The following VPS13B variants were observed in gnomAD, a reference collection of about 807,000 sequenced individuals.
VPS13B encodes the protein vacuolar protein sorting 13 homolog B.
A neutral mutation model predicts 426.4 loss-of-function variants in VPS13B; 285 were observed. That is an observed-to-expected ratio of 0.67 (90% CI 0.61 to 0.74). The LOEUF is 0.74. Ranked by LOEUF, VPS13B falls within the 30% of genes least tolerant of loss-of-function variation. The pLI is 0.00. For synonymous variants in VPS13B, 1,676 were observed against 1,676.4 expected, an observed-to-expected ratio of 1.00 and a Z score of 0.01; for missense variants, 4,537 against 4,782.6, an observed-to-expected ratio of 0.95 and a Z score of 1.51.
chr8:99,585,627 AC>A lies in VPS13B; in HGVS notation c.5220+7997del, dbSNP rs1205732788. ...AAAAAATTTTTAGACAAAATCCAAT[AC>A]CCTTTCATAATAAAAACATGCAAAA... is the stretch of plus-strand genomic sequence containing the variant. On this transcript the variant is annotated intron_variant, in intron 33 of 61. Transcript: ENST00000357162. Among the ~76,000 whole-genome samples, 8 of 152,252 alleles carry A rather than the reference AC, an allele frequency of 5.3e-5. No homozygotes were observed. In the East Asian group the frequency reaches 1.5e-3, roughly 29 times the overall value.
chr8:99,222,496 G>A (rs903702851), intron 17 of VPS13B, among the ~76,000 whole-genome samples: 2 of 152,108 alleles, frequency 1.3e-5, no homozygotes, highest in South Asian at 2.1e-4. Context: ...AGCAGTGATC[G>A]AATTTCTCTT....
At chr8:99,054,354 A>G (rs1843722705) in intron 3 of VPS13B, among the ~76,000 whole-genome samples, 1 of 152,230 alleles carries the variant, frequency 6.6e-6, no homozygotes, top group Non-Finnish European at 1.5e-5. Context: ...TTCTTTGGAT[A>G]GTGTCTATCT....
At chr8:99,156,453 A>T (rs1811369357) in intron 14 of VPS13B, 96 bp from the exon 15 acceptor site, 1 of 1,165,758 alleles carries the variant, frequency 8.6e-7, no homozygotes, top group Admixed American at 1.8e-5. Context: ...ATTTGATATC[A>T]CTGCAAATGT....
At chr8:99,489,837 T>C (rs971207351) in intron 25 of VPS13B, among the ~76,000 whole-genome samples, 20 of 152,326 alleles carry the variant, frequency 1.3e-4, no homozygotes, top group African/African-American at 4.6e-4. Context: ...TATACAGTCA[T>C]GTCATCTGCA....
At position 99,742,111 on chromosome 8, in the gene VPS13B, A is replaced by G. The variant is rs1348284009; in HGVS notation, c.7050+21064A>G. 5.3e-5 allele frequency among the ~76,000 whole-genome samples: 8 copies of G among 152,374 alleles called. No homozygotes were observed. The East Asian group carries it at 1.5e-3, about 29-fold the overall frequency. On this transcript the variant is annotated intron_variant, in intron 39 of 61. Coordinates refer to ENST00000357162, the MANE Select transcript of VPS13B (RefSeq NM_152564.5). ...ATAAAGAAGAAAAGAGAGAAGAATC[A>G]AATAGACTCAATGAAAAATGATGAA...
At chr8:99,309,250 A>C (rs909740410) in intron 19 of VPS13B, among the ~76,000 whole-genome samples, 2 of 152,086 alleles carry the variant, frequency 1.3e-5, no homozygotes, top group Admixed American at 6.6e-5. Flanking sequence ...ATATGAAGTC[A>C]TTGCCCATGC....
intron 15 of VPS13B, among the ~76,000 whole-genome samples, chr8:99,160,579 A>G (rs1811594181): frequency 6.9e-6 from 1 of 144,376 alleles, no homozygotes; most frequent in Admixed American, 7.3e-5. Flanking sequence ...TGAGCCCAGG[A>G]GGTCAAGGTT....
At chr8:99,260,059 G>T (rs1168849514) in intron 17 of VPS13B, among the ~76,000 whole-genome samples, 1 of 151,960 alleles carries the variant, frequency 6.6e-6, no homozygotes, top group African/African-American at 2.4e-5. Context: ...TATAATGAAA[G>T]AATTTTTTGG....
chr8:99,240,333 A>G (rs1816855982), intron 17 of VPS13B, among the ~76,000 whole-genome samples: 1 of 152,186 alleles, frequency 6.6e-6, no homozygotes, highest in African/African-American at 2.4e-5. Context: ...ACATTTTTAT[A>G]TATTCCCTAG....
rs768962852 is a variant in VPS13B, at chr8:99,642,454, T to C, written c.5864T>C (p.Phe1955Ser). Residue 1955 changes from phenylalanine (F) to serine (S), a missense_variant, in exon 34 of 62, where the codon TTT becomes TCT. Around this residue, in one of 2 missense-constraint regions of VPS13B, gnomAD observed 4,311 missense variants for 4,474.3 expected, o/e 0.96. Coordinates refer to ENST00000357162, the MANE Select transcript of VPS13B (RefSeq NM_152564.5). Reference protein sequence around the residue: ...HRKQRVEVSIFDAVLKGVASD... With the variant: ...HRKQRVEVSISDAVLKGVASD... ...AAGCAGCGAGTGGAAGTATCCATTT[T>C]TGATGCTGTGCTTAAAGGGGTGGCC... 3.1e-6 allele frequency: 5 copies of C among 1,614,058 alleles called. No individual in the cohort carries two copies. Among genetic ancestry groups the C allele is most frequent in the Admixed American group, 1.7e-5 (1 of 59,982 alleles).
chr8:99,680,316 C>G (rs1258852026), intron 35 of VPS13B, among the ~76,000 whole-genome samples: 1 of 152,066 alleles, frequency 6.6e-6, no homozygotes, highest in Admixed American at 6.6e-5. Context: ...ATGTTTGGTC[C>G]CCCACAAGGT....
At chr8:99,358,337 TATTTA>T (rs567202851) in intron 19 of VPS13B, among the ~76,000 whole-genome samples, 20 of 152,228 alleles carry the variant, frequency 1.3e-4, no homozygotes, top group Admixed American at 2.0e-4. Flanking sequence ...AATACTGGAC[TATTTA>T]ATTATAATTT....
chr8:99,295,084 C>G, intron 19 of VPS13B, among the ~76,000 whole-genome samples: 1 of 152,048 alleles, frequency 6.6e-6, no homozygotes, highest in East Asian at 1.9e-4. Flanking sequence ...TAGTGACATA[C>G]TGAGATTTTA....
At chr8:99,532,318 C>G (rs1822974859) in intron 30 of VPS13B, among the ~76,000 whole-genome samples, 1 of 152,026 alleles carries the variant, frequency 6.6e-6, no homozygotes, top group Admixed American at 6.6e-5. Flanking sequence ...TGGGTTTTAC[C>G]TTTTCTCCAT....
At chr8:99,368,972 A>G (rs962258343) in intron 19 of VPS13B, among the ~76,000 whole-genome samples, 2 of 152,024 alleles carry the variant, frequency 1.3e-5, no homozygotes, top group African/African-American at 2.4e-5. Flanking sequence ...GGTGGTGTCT[A>G]TTTCTGTGAT....
intron 33 of VPS13B, among the ~76,000 whole-genome samples, chr8:99,609,517 T>C (rs2133872147): frequency 6.6e-6 from 1 of 152,332 alleles, no homozygotes; most frequent in Non-Finnish European, 1.5e-5. Context: ...AGTACCCAAT[T>C]TGGAGGAACT....
rs118185295 is a variant in VPS13B, at chr8:99,716,698, A to G, written c.6455-473A>G. On this transcript the variant is annotated intron_variant, in intron 36 of 61. Coordinates refer to ENST00000357162, the MANE Select transcript of VPS13B (RefSeq NM_152564.5). ...TGGATTAAACTAAAATTTTTAGAAAACACACGTTATATATTTTGATTGTTT... is the reference window on the plus strand; with the variant it reads ...TGGATTAAACTAAAATTTTTAGAAAGCACACGTTATATATTTTGATTGTTT... Among the ~76,000 whole-genome samples the G allele has an allele frequency of 7.9e-3, 1,200 of 152,288 alleles. 11 individuals carry two copies. The highest frequency in any genetic ancestry group is 0.013 in the Non-Finnish European group (888 of 68,012).
At chr8:99,357,486 A>C (rs560076600) in intron 19 of VPS13B, among the ~76,000 whole-genome samples, 1 of 152,230 alleles carries the variant, frequency 6.6e-6, no homozygotes, top group South Asian at 2.1e-4. Flanking sequence ...GTCTCTTTTC[A>C]TAGCATCTGT....
intron 36 of VPS13B, among the ~76,000 whole-genome samples, chr8:99,700,310 T>C (rs1033136959): frequency 1.3e-5 from 2 of 152,172 alleles, no homozygotes; most frequent in Non-Finnish European, 2.9e-5. Flanking sequence ...ACCTGGGAAA[T>C]TGTTACAAAT....
Sources: allele counts gnomAD v4.1 joint callset (sites outside exome capture counted in the v4.1 genomes callset), GRCh38; gene constraint gnomAD v4.1.1; regional missense constraint gnomAD v4.1.1; transcripts MANE v1.5; gene names NCBI Gene and HGNC (gene_info 2026-07-23, HGNC 2026-07-21).